The following HDAC9 variants were observed in gnomAD, a reference collection of about 807,000 sequenced individuals.
The protein encoded by HDAC9 is MEF-2 interacting transcription repressor (MITR) protein.
Under a neutral mutation model 139.4 loss-of-function variants are expected in HDAC9, and 41 were observed. The ratio of observed to expected loss-of-function variants is 0.29; its 90% CI spans 0.23 to 0.38. The LOEUF is 0.38. Among genes scored for constraint, HDAC9 ranks in the 10% least tolerant of loss-of-function variants. HDAC9 has a pLI of 1.00. For missense variants in HDAC9, 1,147 were observed against 1,297.0 expected (o/e 0.88, Z 1.78); for synonymous variants, 517 against 476.2 (o/e 1.09, Z -1.12).
chr7:18,890,340 A>G (rs1050795249), intron 22 of HDAC9, among the ~76,000 whole-genome samples: 1 of 152,162 alleles, frequency 6.6e-6, no homozygotes, highest in African/African-American at 2.4e-5. Flanking sequence ...GCTTCAAACC[A>G]CCTAACAGAT....
rs74694849 is a variant in HDAC9, at chr7:18,155,584, C to T, written c.-96-6645C>T. ...CATAACTAACCTCCCAAGCTGCGTT[C>T]CCTGCTCTATATTACACCCAACAAT... On this transcript the variant is annotated intron_variant, in intron 1 of 12. Transcript: ENST00000417496. 2.3e-3 allele frequency among the ~76,000 whole-genome samples: 343 copies of T among 152,278 alleles called. 2 individuals carry two copies. The highest frequency in any genetic ancestry group is 0.01 in the Middle Eastern group (3 of 294).
intron 1 of HDAC9, among the ~76,000 whole-genome samples, chr7:18,119,215 A>C (rs1784210849): frequency 6.6e-6 from 1 of 152,226 alleles, no homozygotes; most frequent in Non-Finnish European, 1.5e-5. Context: ...CTGAAATCAA[A>C]GTGCACCAGT....
At chr7:18,115,879 G>T (rs1375822907) in intron 1 of HDAC9, among the ~76,000 whole-genome samples, 2 of 152,144 alleles carry the variant, frequency 1.3e-5, no homozygotes, top group Non-Finnish European at 2.9e-5. Context: ...TCAATTTTTT[G>T]CAGCTTCCAG....
intron 1 of HDAC9, among the ~76,000 whole-genome samples, chr7:18,474,169 G>A (rs1794936978): frequency 1.3e-5 from 2 of 152,184 alleles, no homozygotes; most frequent in Admixed American, 6.5e-5. Context: ...GCATTTTATG[G>A]AAGCTAAATT....
intron 16 of HDAC9, among the ~76,000 whole-genome samples, chr7:18,777,718 A>G (rs2519745): frequency 0.23 from 35,463 of 151,776 alleles, 4,868 homozygotes; most frequent in East Asian, 0.61. Flanking sequence ...ATAATTCTCG[A>G]CTTTGACCCC....
At chr7:18,619,340 T>G (rs567303769) in intron 6 of HDAC9, among the ~76,000 whole-genome samples, 2 of 152,332 alleles carry the variant, frequency 1.3e-5, no homozygotes, top group East Asian at 3.9e-4. Context: ...AATGTAAGTT[T>G]CCTTCATGCT....
intron 12 of HDAC9, among the ~76,000 whole-genome samples, chr7:18,689,327 CT>C (rs1290804755): frequency 1.3e-5 from 2 of 151,522 alleles, no homozygotes; most frequent in African/African-American, 4.9e-5. Context: ...TACAGCCTTC[CT>C]TACAATTTTC....
chr7:18,628,988 A>C (rs999856166), intron 6 of HDAC9, among the ~76,000 whole-genome samples: 11 of 152,192 alleles, frequency 7.2e-5, no homozygotes, highest in African/African-American at 2.4e-4. Context: ...GAGAATTAAG[A>C]GGCCTGACAA....
At chr7:18,943,657 G>A (rs912208784) in intron 23 of HDAC9, among the ~76,000 whole-genome samples, 1 of 151,978 alleles carries the variant, frequency 6.6e-6, no homozygotes, top group African/African-American at 2.4e-5. Context: ...TCAGTTAATA[G>A]AACAATAACT....
At chr7:18,991,327 T>A (rs958138611) in intron 25 of HDAC9, among the ~76,000 whole-genome samples, 4 of 152,224 alleles carry the variant, frequency 2.6e-5, no homozygotes, top group Non-Finnish European at 5.9e-5. Context: ...TAAAATCAGT[T>A]TGTGAATACT....
chr7:18,803,913 A>G (rs558868916), intron 17 of HDAC9, among the ~76,000 whole-genome samples: 1 of 152,360 alleles, frequency 6.6e-6, no homozygotes, highest in East Asian at 1.9e-4. Context: ...TAAAAAAAAC[A>G]TGTTTCAAGT....
chr7:18,602,961 A>G (rs912747343), intron 6 of HDAC9, among the ~76,000 whole-genome samples: 4 of 152,004 alleles, frequency 2.6e-5, no homozygotes, highest in African/African-American at 7.2e-5. Flanking sequence ...GTTTTGCCTC[A>G]TGTATTTTGA....
Position 18,989,121 on chromosome 7 carries a change from G to T in HDAC9, c.3171-6902G>T, listed in dbSNP as rs370271696. On this transcript the variant is annotated intron_variant, in intron 25 of 25. Coordinates refer to ENST00000686413, the MANE Select transcript of HDAC9 (RefSeq NM_178425.4). Reference sequence around the variant, plus strand: ...TCCTGTCATTATGATGTTAGCTGGTGATTTTGCTCGTTCGTTGATGCAGTT... The same window carrying T: ...TCCTGTCATTATGATGTTAGCTGGTTATTTTGCTCGTTCGTTGATGCAGTT... Among the ~76,000 whole-genome samples, 902 of 142,854 alleles carry T rather than the reference G, an allele frequency of 6.3e-3. 2 individuals carry two copies. Among genetic ancestry groups the T allele is most frequent in the Non-Finnish European group, 9.8e-3 (641 of 65,308 alleles). The allele number at this position is 142,854 out of a possible 152,430, so 93.7% of individuals were successfully genotyped here.
chr7:18,994,220 C>G (rs1318730187), intron 25 of HDAC9, among the ~76,000 whole-genome samples: 1 of 152,054 alleles, frequency 6.6e-6, no homozygotes, highest in Non-Finnish European at 1.5e-5. Context: ...AAAAGATTAT[C>G]CTGCTGCAGC....
chr7:18,825,753 T>A (rs1344893791), intron 17 of HDAC9, among the ~76,000 whole-genome samples: 1 of 148,268 alleles, frequency 6.7e-6, no homozygotes, highest in Non-Finnish European at 1.5e-5. Flanking sequence ...TAAAAATATA[T>A]AATTATCAAA....
At chr7:18,236,195 T>C (rs1793802666) in intron 2 of HDAC9, among the ~76,000 whole-genome samples, 1 of 152,190 alleles carries the variant, frequency 6.6e-6, no homozygotes, top group African/African-American at 2.4e-5. Context: ...TGAGACCTCC[T>C]GCAGCATCAG....
chr7:18,398,654 A>G (rs1787271032), intron 1 of HDAC9, among the ~76,000 whole-genome samples: 1 of 152,080 alleles, frequency 6.6e-6, no homozygotes, highest in African/African-American at 2.4e-5. Context: ...ATTCTTTAAG[A>G]TATATTTCAG....
intron 25 of HDAC9, among the ~76,000 whole-genome samples, chr7:18,980,333 T>A (rs1401120915): frequency 1.3e-5 from 2 of 152,216 alleles, no homozygotes; most frequent in East Asian, 3.9e-4. Context: ...AGATGCATAA[T>A]TTAGCTTCCC....
chr7:18,963,546 G>A (rs1783662880), intron 24 of HDAC9, among the ~76,000 whole-genome samples: 1 of 152,172 alleles, frequency 6.6e-6, no homozygotes, highest in Non-Finnish European at 1.5e-5. Context: ...AGACTTATTT[G>A]TGGAGTTAAA....
Sources: allele counts gnomAD v4.1 joint callset (sites outside exome capture counted in the v4.1 genomes callset), GRCh38; gene constraint gnomAD v4.1.1; transcripts MANE v1.5; gene names NCBI Gene and HGNC (gene_info 2026-07-23, HGNC 2026-07-21).